The following CFAP46 variants were observed in gnomAD, a reference collection of about 807,000 sequenced individuals.
CFAP46 encodes cilia- and flagella-associated protein 46.
CFAP46 carries 245 observed loss-of-function variants against 325.7 expected under a neutral mutation model. That is an observed-to-expected ratio of 0.75 (90% CI 0.68 to 0.84). The LOEUF (loss-of-function observed/expected upper bound fraction) is 0.84, where lower values mean the gene tolerates loss of function less well. Ranked by LOEUF, CFAP46 falls within the 40% of genes least tolerant of loss-of-function variation. The pLI is 0.00. For synonymous variants in CFAP46, 1,523 were observed against 1,495.9 expected, an observed-to-expected ratio of 1.02 and a Z score of -0.42; for missense variants, 3,346 against 3,543.0, an observed-to-expected ratio of 0.94 and a Z score of 1.41.
intron 53 of CFAP46, 110 bp from the exon 54 acceptor site, chr10:132,814,364 G>T: frequency 1.9e-6 from 2 of 1,034,356 alleles, no homozygotes; most frequent in African/African-American, 1.6e-5. Flanking sequence ...ATATATCAGT[G>T]CCCTGCCATG....
At chr10:132,930,072 C>T (rs1564804348) in intron 8 of CFAP46, among the ~76,000 whole-genome samples, 2 of 152,144 alleles carry the variant, frequency 1.3e-5, no homozygotes, top group Non-Finnish European at 2.9e-5. Flanking sequence ...CCCTGCTCCT[C>T]GCTCTCCAGG....
At chr10:132,882,030 G>T (rs1797038591) in intron 27 of CFAP46, among the ~76,000 whole-genome samples, 1 of 150,974 alleles carries the variant, frequency 6.6e-6, no homozygotes, top group South Asian at 2.1e-4. Flanking sequence ...AGGGGTGTGT[G>T]GTGTGTGTGG....
intron 46 of CFAP46, 68 bp from the exon 47 acceptor site, chr10:132,835,502 T>G: frequency 6.3e-7 from 1 of 1,587,988 alleles, no homozygotes; most frequent in Non-Finnish European, 8.6e-7. Context: ...CCGTGCATGG[T>G]GAGCACTGGG....
At chr10:132,838,871 G>A (rs865877211) in intron 44 of CFAP46, among the ~76,000 whole-genome samples, 13 of 152,232 alleles carry the variant, frequency 8.5e-5, no homozygotes, top group Admixed American at 6.5e-4. Flanking sequence ...CCCCATCCCC[G>A]TCTCATCCCC....
chr10:132,890,669 G>A (rs538834860), intron 25 of CFAP46, among the ~76,000 whole-genome samples: 1 of 152,112 alleles, frequency 6.6e-6, no homozygotes, highest in East Asian at 1.9e-4. Context: ...GTGGGTCTGA[G>A]GCTGTATCCC....
At position 132,892,346 on chromosome 10, in the gene CFAP46, T is replaced by C; in HGVS notation, c.3291A>G (p.Gly1097=). Residue 1097 remains glycine (G), a synonymous_variant, in exon 25 of 58, where the codon GGA becomes GGG. Transcript: ENST00000368586. ...CCTGCTACAAACCTGGAAGAAAATA[T>C]CCTTCGGTCGTCCCGCCACCCTGGA... The part of the protein sequence containing the change: ...ADFQGGGTTE[G]YFLPGAEDDL... The C allele has an allele frequency of 6.4e-7, 1 of 1,550,822 alleles. No homozygotes were observed. Among genetic ancestry groups the C allele is most frequent in the East Asian group, 2.4e-5 (1 of 40,922 alleles).
intron 50 of CFAP46, among the ~76,000 whole-genome samples, chr10:132,819,817 T>C (rs1464346560): frequency 6.6e-6 from 1 of 152,222 alleles, no homozygotes; most frequent in Non-Finnish European, 1.5e-5. Context: ...AAAAGCTCCT[T>C]GACTGGGTCT....
chr10:132,879,506 C>T lies in CFAP46; in HGVS notation c.3925G>A (p.Ala1309Thr). ...EALARVHILL[A>T]LVLSPGAEGY... ...TCGGCGCCCGGCGACAGCACCAGGG[C>T]CAGCAGGATGTGCACGCGGGCCAGC... is the stretch of plus-strand genomic sequence containing the variant. The change falls in exon 29 of 58, where the codon GCC becomes ACC. Residue 1309 changes from alanine (A) to threonine (T), a missense_variant. Transcript: ENST00000368586. 6.5e-7 allele frequency: 1 copy of T among 1,547,280 alleles called. No homozygotes were observed. Among genetic ancestry groups the T allele is most frequent in the Non-Finnish European group, 8.7e-7 (1 of 1,145,948 alleles).
In CFAP46 at chr10:132,939,614, G is replaced by A. The variant is rs1422980742; in HGVS notation, c.372-861C>T. 2.6e-5 allele frequency among the ~76,000 whole-genome samples: 4 copies of A among 152,186 alleles called. No individual in the cohort carries two copies. Among genetic ancestry groups the A allele is most frequent in the East Asian group, 3.9e-4 (2 of 5,184 alleles). ...CTCTGAGTTTACTCAGAGCCACCACGTGACCCTAGGACAGGACTCATCCTG... is the reference window on the plus strand; with the variant it reads ...CTCTGAGTTTACTCAGAGCCACCACATGACCCTAGGACAGGACTCATCCTG... On this transcript the variant is annotated intron_variant, in intron 4 of 57. Transcript: ENST00000368586. The surrounding 1 kb of genome is among the most constrained non-coding windows in gnomAD (Gnocchi z 4.6).
At position 132,832,543 on chromosome 10, in the gene CFAP46, G is replaced by T. The variant is rs180769224; in HGVS notation, c.7117+815C>A. 61 of 331,650 alleles carry T rather than the reference G, an allele frequency of 1.8e-4. No homozygotes were observed. The highest frequency in any genetic ancestry group is 1.5e-3 in the Admixed American group (38 of 25,144). The allele number at this position is 331,650 out of a possible 1,614,324, so 20.5% of individuals were successfully genotyped here. On this transcript the variant is annotated intron_variant, in intron 50 of 57. Transcript: ENST00000368586. This position sits in a 1 kb window ranked among gnomAD's most constrained non-coding sequence, Gnocchi z 4.1. ...CCCTCATTTCATGTGCTTTTCTCTG[G>T]TTTTTATTTGTCTCAGCTGGAAGAA...
intron 36 of CFAP46, 90 bp from the exon 37 acceptor site, chr10:132,860,613 G>A: frequency 8.3e-7 from 1 of 1,200,484 alleles, no homozygotes; most frequent in Non-Finnish European, 1.2e-6. Context: ...GACAGATACG[G>A]GCCTGAGGAC....
chr10:132,901,058 G>T (rs1029499298), intron 22 of CFAP46, among the ~76,000 whole-genome samples: 1 of 152,218 alleles, frequency 6.6e-6, no homozygotes, highest in South Asian at 2.1e-4. Flanking sequence ...GTTGGCACTT[G>T]CAGAGTGCCT....
chr10:132,870,814 C>T (rs369644174), intron 32 of CFAP46, among the ~76,000 whole-genome samples: 28 of 152,148 alleles, frequency 1.8e-4, no homozygotes, highest in Admixed American at 1.2e-3. Context: ...GCCAGTTAGC[C>T]GGAAGATCCA....
At chr10:132,920,278 G>A (rs1849703328) in intron 13 of CFAP46, 96 bp from the exon 14 acceptor site, 3 of 1,391,376 alleles carry the variant, frequency 2.2e-6, no homozygotes, top group African/African-American at 2.9e-5. Context: ...GCGCCGGGGT[G>A]GCCACCCACA....
At chr10:132,899,744 A>G in intron 22 of CFAP46, 78 bp from the exon 23 acceptor site, 1 of 1,451,090 alleles carries the variant, frequency 6.9e-7, no homozygotes, top group East Asian at 2.5e-5. Flanking sequence ...ACTGTCTTGA[A>G]CTGTGGACTA....
chr10:132,824,337 GC>G (rs1847982182), intron 50 of CFAP46, among the ~76,000 whole-genome samples: 1 of 134,144 alleles, frequency 7.5e-6, no homozygotes, highest in Admixed American at 7.4e-5. Context: ...CTGTGTGTGT[GC>G]TGTGTGCTGT....
At chr10:132,941,797 G>T in intron 2 of CFAP46, 75 bp from the exon 3 acceptor site, 8 of 1,588,804 alleles carry the variant, frequency 5.0e-6, no homozygotes, top group Non-Finnish European at 6.0e-6. Context: ...CCACGGGCCC[G>T]CTTTCAGAAC....
rs945504380 is a variant in CFAP46 at position 132,869,691 on chromosome 10, T to C, written c.4512-319A>G. On this transcript the variant is annotated intron_variant, in intron 32 of 57. Coordinates refer to ENST00000368586, the MANE Select transcript of CFAP46 (RefSeq NM_001200049.3). This position sits in a 1 kb window ranked among gnomAD's most constrained non-coding sequence, Gnocchi z 6.2. ...ACCCACCACAATAAGCAGAGAAGCC[T>C]CGACTCCTGTTGAAAACCCTATTCT... Among the ~76,000 whole-genome samples, 2 of 152,092 alleles carry C rather than the reference T, an allele frequency of 1.3e-5. No individual in the cohort carries two copies. The highest frequency in any genetic ancestry group is 4.8e-5 in the African/African-American group (2 of 41,414).
rs1849515468 is a variant in CFAP46 at position 132,909,908 on chromosome 10, G to A, written c.2649+11C>T. On this transcript the variant is annotated intron_variant, in intron 20 of 57. Transcript: ENST00000368586. Reference sequence around the variant, plus strand: ...CTCAGTCAGAGCCCAGATGTGGGCAGGGGCGCCCACCTGCTCCTCGGTGCC... The same window carrying A: ...CTCAGTCAGAGCCCAGATGTGGGCAAGGGCGCCCACCTGCTCCTCGGTGCC... The A allele has an allele frequency of 7.0e-7, 1 of 1,436,844 alleles. No individual in the cohort carries two copies. The allele number at this position is 1,436,844 out of a possible 1,614,324, so 89.0% of individuals were successfully genotyped here. A position where few individuals can be genotyped will look rare whatever the true frequency, so the allele number is the denominator to read the frequency against.
Sources: allele counts gnomAD v4.1 joint callset (sites outside exome capture counted in the v4.1 genomes callset), GRCh38; gene constraint gnomAD v4.1.1; non-coding constraint Gnocchi (gnomAD v3.1); transcripts MANE v1.5; gene names NCBI Gene and HGNC (gene_info 2026-07-23, HGNC 2026-07-21).